VCAN: variants seen among roughly 807,000 people sequenced by gnomAD.
VCAN encodes versican.
A neutral mutation model predicts 245.5 loss-of-function variants in VCAN; 44 were observed. That is an observed-to-expected ratio of 0.18 (90% CI 0.14 to 0.23). The LOEUF (loss-of-function observed/expected upper bound fraction) is 0.23. VCAN is among the 10% of genes least tolerant of loss of function. The pLI is 1.00. For synonymous variants in VCAN, 1,413 were observed against 1,437.0 expected (o/e 0.98, Z 0.38); for missense variants, 3,793 against 4,057.9 (o/e 0.93, Z 1.77).
chr5:83,491,942 A>G (rs185190709), intron 3 of VCAN, among the ~76,000 whole-genome samples: 38 of 152,324 alleles, frequency 2.5e-4, no homozygotes, highest in African/African-American at 8.2e-4. Context: ...ATTTTAAGCT[A>G]TCTCTTATAT....
chr5:83,522,322 T>A lies in VCAN; in HGVS notation c.4003+13T>A. 1.9e-6 allele frequency: 3 copies of A among 1,597,836 alleles called. No individual in the cohort carries two copies. The highest frequency in any genetic ancestry group is 2.5e-6 in the Non-Finnish European group (3 of 1,179,506). ...GAAAATAAGACAGGTAAGTCTTTGC[T>A]TTCTAGACTAGCATTGAAGGCAATC... On this transcript the variant is annotated intron_variant, in intron 7 of 14. Transcript: ENST00000265077.
chr5:83,528,921 AT>A (rs1467559962), intron 7 of VCAN, among the ~76,000 whole-genome samples: 4 of 151,196 alleles, frequency 2.6e-5, no homozygotes, highest in African/African-American at 9.7e-5. Flanking sequence ...CTATTATTAT[AT>A]GGAATGATAT....
rs886060816 is a variant in VCAN at position 83,471,955 on chromosome 5, A to G, written c.-75A>G. 8.0e-4 allele frequency: 312 copies of G among 391,780 alleles called. 1 individual carries two copies. The highest frequency in any genetic ancestry group is 6.1e-3 in the African/African-American group (294 of 48,574). 24.3% of individuals were successfully genotyped at this position (391,780 alleles called of 1,614,324 possible). On this transcript the variant is annotated 5_prime_UTR_variant, in exon 1 of 15. Coordinates refer to ENST00000265077, the MANE Select transcript of VCAN (RefSeq NM_004385.5). Reference sequence around the variant, plus strand: ...CGCTTCCTATGTGACCCGCCTGGGCAACGCCGAACCCAGTCGCGCAGCGCT... The same window carrying G: ...CGCTTCCTATGTGACCCGCCTGGGCGACGCCGAACCCAGTCGCGCAGCGCT...
Position 83,541,847 on chromosome 5 carries a change from T to C in VCAN, c.8844T>C (p.Phe2948=), listed in dbSNP as rs749844692. ...GQVSGEAIKM[F]PTIKTPEAGT... The stretch of plus-strand genomic sequence containing the variant: ...TTTCTGGAGAAGCAATCAAGATGTT[T>C]CCCACCATTAAAACACCTGAGGCTG... The change falls in exon 8 of 15, where the codon TTT becomes TTC. Residue 2948 remains phenylalanine (F), a synonymous_variant. Coordinates refer to ENST00000265077, the MANE Select transcript of VCAN (RefSeq NM_004385.5). 6.2e-6 allele frequency: 10 copies of C among 1,613,950 alleles called. No homozygotes were observed. The highest frequency in any genetic ancestry group is 8.5e-6 in the Non-Finnish European group (10 of 1,180,004).
rs765958123 is a variant in VCAN, at chr5:83,521,338, G to A, written c.3032G>A (p.Arg1011His). Reference sequence around the variant, plus strand: ...GACATACTTGTCATTGATCAGACTCGCCTTGAAGCGACTATTTCTCCAGAA... The same window carrying A: ...GACATACTTGTCATTGATCAGACTCACCTTGAAGCGACTATTTCTCCAGAA... ...SQDILVIDQT[R>H]LEATISPETM... The change falls in exon 7 of 15, where the codon CGC becomes CAC. Residue 1011 changes from arginine to histidine, a missense_variant. Physicochemically the swap from Arg to His is conservative, Grantham distance 29. Around this residue, in one of 5 missense-constraint regions of VCAN, gnomAD observed 3,182 missense variants for 3,250.3 expected, o/e 0.98. Coordinates refer to ENST00000265077, the MANE Select transcript of VCAN (RefSeq NM_004385.5). 43 of 1,613,926 alleles carry A rather than the reference G, an allele frequency of 2.7e-5. No individual in the cohort carries two copies. Among genetic ancestry groups the A allele is most frequent in the East Asian group, 4.5e-5 (2 of 44,884 alleles).
intron 13 of VCAN, among the ~76,000 whole-genome samples, chr5:83,574,657 A>G (rs309582): frequency 0.44 from 66,345 of 151,988 alleles, 14,730 homozygotes; most frequent in African/African-American, 0.5. Flanking sequence ...TTTTGGGATT[A>G]TAATTGTCAC....
chr5:83,521,204 T>C lies in VCAN; in HGVS notation c.2898T>C (p.Tyr966=), dbSNP rs775357324. 11 of 1,613,828 alleles carry C rather than the reference T, an allele frequency of 6.8e-6. No homozygotes were observed. The highest frequency in any genetic ancestry group is 2.2e-5 in the East Asian group (1 of 44,866). ...SYSSTQEPTT[Y]VDSSHTIPLS... ...GTAGCACCCAAGAGCCTACTACTTA[T>C]GTAGACTCTTCCCATACCATTCCTC... Residue 966 remains tyrosine, a synonymous_variant, in exon 7 of 15, where the codon TAT becomes TAC. Transcript: ENST00000265077.
intron 5 of VCAN, among the ~76,000 whole-genome samples, chr5:83,501,981 TCTTTTCA>T (rs1219886640): frequency 1.3e-5 from 2 of 152,218 alleles, no homozygotes; most frequent in African/African-American, 4.8e-5. Context: ...AATATTTTGT[TCTTTTCA>T]GAGTATAAGT....
chr5:83,564,759 G>A (rs1337178225), intron 12 of VCAN, among the ~76,000 whole-genome samples: 5 of 151,364 alleles, frequency 3.3e-5, no homozygotes, highest in Non-Finnish European at 7.4e-5. Context: ...TGACTGAACC[G>A]TTCAAGAGAA....
intron 1 of VCAN, among the ~76,000 whole-genome samples, chr5:83,472,754 G>A (rs1744240618): frequency 6.6e-6 from 1 of 152,170 alleles, no homozygotes; most frequent in Admixed American, 6.5e-5. Flanking sequence ...GGTGCGAAGG[G>A]GCCAGCAGGG....
At chr5:83,562,661 C>CAAAAA (rs4033003) in intron 12 of VCAN, among the ~76,000 whole-genome samples, 20 of 149,498 alleles carry the variant, frequency 1.3e-4, no homozygotes, top group African/African-American at 4.7e-4. Flanking sequence ...TGGAAAAGGC[C>CAAAAA]AAAAAAAAAA....
intron 12 of VCAN, among the ~76,000 whole-genome samples, chr5:83,558,841 A>C (rs2112478289): frequency 6.6e-6 from 1 of 152,230 alleles, no homozygotes; most frequent in South Asian, 2.1e-4. Context: ...ATATTTTTAA[A>C]ATCTATTACT....
chr5:83,555,613 G>T (rs757150243), intron 12 of VCAN, among the ~76,000 whole-genome samples: 1 of 152,124 alleles, frequency 6.6e-6, no homozygotes, highest in Non-Finnish European at 1.5e-5. Flanking sequence ...ACTGTAATAG[G>T]TTCTTAGAAC....
chr5:83,543,674 TA>T (rs1747090066), intron 8 of VCAN, among the ~76,000 whole-genome samples: 1 of 152,214 alleles, frequency 6.6e-6, no homozygotes, highest in African/African-American at 2.4e-5. Flanking sequence ...TTCAGTTTGT[TA>T]AAAATATGAT....
rs563637125 is a variant in VCAN at position 83,491,594 on chromosome 5, G to A, written c.445+1122G>A. ...CTCTCTCTCTCTCTCTTCTGTTTAC[G>A]TATCACTTTTTAAAATCCCCAAAGG... is the stretch of plus-strand genomic sequence containing the variant. On this transcript the variant is annotated intron_variant, in intron 3 of 14. Transcript: ENST00000265077. Among the ~76,000 whole-genome samples the A allele has an allele frequency of 8.9e-4, 135 of 151,492 alleles. 1 individual carries two copies. Among genetic ancestry groups the A allele is most frequent in the African/African-American group, 3.0e-3 (125 of 41,240 alleles).
chr5:83,577,500 C>T (rs1230609407), intron 13 of VCAN, among the ~76,000 whole-genome samples: 1 of 152,166 alleles, frequency 6.6e-6, no homozygotes, highest in African/African-American at 2.4e-5. Flanking sequence ...CAACTTGTAG[C>T]AGATTCTGGA....
rs1744196170 is a variant in VCAN at position 83,471,808 on chromosome 5, C to G, written c.-222C>G. On this transcript the variant is annotated 5_prime_UTR_variant, in exon 1 of 15. Transcript: ENST00000265077. ...GGGAAGAACTCCAGGCGTGCGGACG[C>G]AACAGCCGAGAACATTAGGTGTTGT... 1 of 398,654 alleles carries G rather than the reference C, an allele frequency of 2.5e-6. No homozygotes were observed. The highest frequency in any genetic ancestry group is 4.4e-6 in the Non-Finnish European group (1 of 226,194). 24.7% of individuals were successfully genotyped at this position (398,654 alleles called of 1,614,324 possible). A position where few individuals can be genotyped will look rare whatever the true frequency, so the allele number is the denominator to read the frequency against.
At chr5:83,551,384 C>T (rs755870728) in intron 10 of VCAN, among the ~76,000 whole-genome samples, 18 of 151,804 alleles carry the variant, frequency 1.2e-4, no homozygotes, top group African/African-American at 2.2e-4. Context: ...TGGTGGTGCA[C>T]GCCTGTAGTC....
Position 83,490,293 on chromosome 5 carries a change from G to A in VCAN, c.266G>A (p.Gly89Glu). ...KETTVLVAQNGNIKIGQDYKG... is the reference protein window; with the variant it reads ...KETTVLVAQNENIKIGQDYKG... Reference sequence around the variant, plus strand: ...ACTACTGTCCTTGTGGCCCAAAATGGAAATATCAAGATTGGTCAGGACTAC... The same window carrying A: ...ACTACTGTCCTTGTGGCCCAAAATGAAAATATCAAGATTGGTCAGGACTAC... The change falls in exon 3 of 15, where the codon GGA becomes GAA. Residue 89 changes from glycine to glutamate, a missense_variant. Physicochemically the swap from Gly to Glu is moderately conservative, Grantham distance 98. Coordinates refer to ENST00000265077, the MANE Select transcript of VCAN (RefSeq NM_004385.5). The A allele has an allele frequency of 6.2e-7, 1 of 1,614,172 alleles. No individual in the cohort carries two copies.
Sources: gnomAD v4.1 joint callset for allele counts (sites outside exome capture counted in the v4.1 genomes callset) on GRCh38, gnomAD v4.1.1 for gene constraint, gnomAD v4.1.1 regional missense constraint, MANE v1.5 for transcripts, NCBI Gene and HGNC (gene_info 2026-07-23, HGNC 2026-07-21) for gene names.